Variants in RAMP1 observed in about 807,000 individuals in gnomAD.
RAMP1 encodes the protein receptor activity-modifying protein 1.
A neutral mutation model predicts 8.2 loss-of-function variants in RAMP1; 7 were observed. That is an observed-to-expected ratio of 0.85 (90% CI 0.49 to 1.60). The LOEUF (loss-of-function observed/expected upper bound fraction) is 1.60. RAMP1 is among the 40% of genes most tolerant of loss of function. The pLI is 0.00. For missense variants in RAMP1, 192 were observed against 202.4 expected (o/e 0.95, Z 0.31); for synonymous variants, 92 against 84.7 (o/e 1.09, Z -0.47).
At position 237,878,390 on chromosome 2, in the gene RAMP1, G is replaced by A. The variant is rs1242357029; in HGVS notation, c.191+1028G>A. ...CCTGTGGCTGTGGTGTCCCCTGAGG[G>A]TCCAGACACACCCGGGCACAATTCT... is the stretch of plus-strand genomic sequence containing the variant. On this transcript the variant is annotated intron_variant, in intron 2 of 2. Transcript: ENST00000254661. The surrounding 1 kb of genome is among the most constrained non-coding windows in gnomAD (Gnocchi z 5.7). 6.6e-6 allele frequency among the ~76,000 whole-genome samples: 1 copy of A among 152,336 alleles called. No homozygotes were observed. The highest frequency in any genetic ancestry group is 3.4e-3 in the Middle Eastern group (1 of 294).
rs1363470359 is a variant in RAMP1 at position 237,877,159 on chromosome 2, C to T, written c.53-65C>T. On this transcript the variant is annotated intron_variant, in intron 1 of 2. Coordinates refer to ENST00000254661, the MANE Select transcript of RAMP1 (RefSeq NM_005855.4). This position sits in a 1 kb window ranked among gnomAD's most constrained non-coding sequence, Gnocchi z 4.4. ...AGTCCGGGCTGCAGGGGCGCGCGGG[C>T]TGGCGGTGATACCCCTAGGCCTCTG... The T allele has an allele frequency of 6.2e-7, 1 of 1,606,760 alleles. No individual in the cohort carries two copies. Among genetic ancestry groups the T allele is most frequent in the Non-Finnish European group, 8.5e-7 (1 of 1,178,260 alleles).
At chr2:237,868,046 CT>C (rs796880429) in intron 1 of RAMP1, among the ~76,000 whole-genome samples, 472 of 137,012 alleles carry the variant, frequency 3.4e-3, no homozygotes, top group Middle Eastern at 3.9e-3. Context: ...GGTTTTCTGT[CT>C]TTTTTTTTTT....
chr2:237,879,538 G>A (rs988262626), intron 2 of RAMP1, among the ~76,000 whole-genome samples: 3 of 144,318 alleles, frequency 2.1e-5, no homozygotes, highest in Admixed American at 6.9e-5. Context: ...TGTGCACAAC[G>A]TGCAGGTTTG....
chr2:237,873,216 G>A (rs748447782), intron 1 of RAMP1, among the ~76,000 whole-genome samples: 1 of 152,238 alleles, frequency 6.6e-6, no homozygotes, highest in African/African-American at 2.4e-5. Flanking sequence ...GAGGAGGACA[G>A]TGATGGGGTC....
chr2:237,911,961 C>T lies in RAMP1; in HGVS notation c.*178C>T. ...GAGGCTCTGGTATTAACCTGGAAGC[C>T]CCCCTGGCTGGAGGCCACCGCCACC... On this transcript the variant is annotated 3_prime_UTR_variant, in exon 3 of 3. Transcript: ENST00000254661. 8.8e-7 allele frequency: 1 copy of T among 1,141,120 alleles called. No homozygotes were observed. The highest frequency in any genetic ancestry group is 1.2e-6 in the Non-Finnish European group (1 of 832,960). 70.7% of individuals were successfully genotyped at this position (1,141,120 alleles called of 1,614,324 possible). A position where few individuals can be genotyped will look rare whatever the true frequency, so the allele number is the denominator to read the frequency against.
At chr2:237,897,894 G>C (rs1576552749) in intron 2 of RAMP1, among the ~76,000 whole-genome samples, 1 of 152,048 alleles carries the variant, frequency 6.6e-6, no homozygotes, top group African/African-American at 2.4e-5. Context: ...CACCTCCCGA[G>C]TTCAAGCCAT....
chr2:237,884,218 G>A (rs868837189), intron 2 of RAMP1, among the ~76,000 whole-genome samples: 2 of 152,128 alleles, frequency 1.3e-5, no homozygotes. Flanking sequence ...TGAGCTCAGC[G>A]GGGCCAGGCT....
intron 2 of RAMP1, among the ~76,000 whole-genome samples, chr2:237,894,045 C>G (rs2062513520): frequency 7.1e-6 from 1 of 140,748 alleles, no homozygotes; most frequent in South Asian, 2.2e-4. Flanking sequence ...TCTCAGCTCA[C>G]TGCAACCTCC....
At chr2:237,871,978 C>T (rs1190971833) in intron 1 of RAMP1, among the ~76,000 whole-genome samples, 2 of 152,208 alleles carry the variant, frequency 1.3e-5, no homozygotes, top group South Asian at 2.1e-4. Flanking sequence ...ATAAATTATA[C>T]TTCAATAAAG....
chr2:237,891,155 T>A (rs1451387884), intron 2 of RAMP1, among the ~76,000 whole-genome samples: 2 of 132,200 alleles, frequency 1.5e-5, no homozygotes, highest in Non-Finnish European at 3.1e-5. Context: ...TTGTATTCTC[T>A]TTTTTTTTTT....
rs2062327601 is a variant in RAMP1 at position 237,878,028 on chromosome 2, A to G, written c.191+666A>G. On this transcript the variant is annotated intron_variant, in intron 2 of 2. Coordinates refer to ENST00000254661, the MANE Select transcript of RAMP1 (RefSeq NM_005855.4). The surrounding 1 kb of genome is among the most constrained non-coding windows in gnomAD (Gnocchi z 5.7). ...CTCTGCCTCCAGAGCGGCGATCAGA[A>G]CTCGGCATGTCCGCAATCGACTTTC... The G allele has an allele frequency of 1.0e-6, 1 of 985,214 alleles. No individual in the cohort carries two copies. The highest frequency in any genetic ancestry group is 4.7e-5 in the South Asian group (1 of 21,282). 61.0% of individuals were successfully genotyped at this position (985,214 alleles called of 1,614,324 possible). A position where few individuals can be genotyped will look rare whatever the true frequency, so the allele number is the denominator to read the frequency against.
In RAMP1 at chr2:237,878,578, G is replaced by A. The variant is rs1354045574; in HGVS notation, c.191+1216G>A. ...GGCCTCCCTCTACCCTCAGAGCCCCGCTGGCCACAGCCTGCCCTCTTCAGT... is the reference window on the plus strand; with the variant it reads ...GGCCTCCCTCTACCCTCAGAGCCCCACTGGCCACAGCCTGCCCTCTTCAGT... On this transcript the variant is annotated intron_variant, in intron 2 of 2. Transcript: ENST00000254661. This position sits in a 1 kb window ranked among gnomAD's most constrained non-coding sequence, Gnocchi z 5.7. Among the ~76,000 whole-genome samples, 1 of 152,178 alleles carries A rather than the reference G, an allele frequency of 6.6e-6. No homozygotes were observed. The highest frequency in any genetic ancestry group is 2.1e-4 in the South Asian group (1 of 4,822).
chr2:237,895,165 A>G (rs999062550), intron 2 of RAMP1, among the ~76,000 whole-genome samples: 1 of 152,112 alleles, frequency 6.6e-6, no homozygotes, highest in African/African-American at 2.4e-5. Flanking sequence ...TGGCGATTGT[A>G]GAGCGAGTCA....
At chr2:237,898,899 G>A (rs1165252616) in intron 2 of RAMP1, among the ~76,000 whole-genome samples, 1 of 152,230 alleles carries the variant, frequency 6.6e-6, no homozygotes, top group Non-Finnish European at 1.5e-5. Context: ...GCTTTGGAAA[G>A]GTCCCGCTAT....
rs998125534 is a variant in RAMP1 at position 237,859,790 on chromosome 2, G to A, written c.52+63G>A. On this transcript the variant is annotated intron_variant, in intron 1 of 2. Transcript: ENST00000254661. Reference sequence around the variant, plus strand: ...CCTGGCCAGCCGGTGTCCTCTAGGGGAGAGGAGGGGAGCGGGTGGGAGCGG... The same window carrying A: ...CCTGGCCAGCCGGTGTCCTCTAGGGAAGAGGAGGGGAGCGGGTGGGAGCGG... The A allele has an allele frequency of 3.3e-6, 4 of 1,202,418 alleles. No homozygotes were observed. In the East Asian group the frequency reaches 9.9e-5, roughly 30 times the overall value. 74.5% of individuals were successfully genotyped at this position (1,202,418 alleles called of 1,614,324 possible).
chr2:237,867,462 G>A (rs912321498), intron 1 of RAMP1, among the ~76,000 whole-genome samples: 1 of 130,484 alleles, frequency 7.7e-6, no homozygotes, highest in African/African-American at 2.8e-5. Context: ...TTTGGGGCCA[G>A]ATGCTTTTTT....
chr2:237,886,245 C>A (rs564166478), intron 2 of RAMP1, among the ~76,000 whole-genome samples: 1 of 152,328 alleles, frequency 6.6e-6, no homozygotes, highest in East Asian at 1.9e-4. Context: ...TTCCTGTAGT[C>A]TCCTTGGCGC....
At chr2:237,882,939 C>G (rs2062386640) in intron 2 of RAMP1, among the ~76,000 whole-genome samples, 1 of 152,110 alleles carries the variant, frequency 6.6e-6, no homozygotes, top group African/African-American at 2.4e-5. Context: ...ATGCTCCCAG[C>G]CCAAGCAGGG....
chr2:237,859,837 C>G (rs2150999704), intron 1 of RAMP1, 110 bp downstream of exon 1: 1 of 1,038,468 alleles, frequency 9.6e-7, no homozygotes, highest in South Asian at 2.7e-5. Context: ...TGGGGGCGGG[C>G]GCCGCGGGCG....
Sources: allele counts gnomAD v4.1 joint callset (sites outside exome capture counted in the v4.1 genomes callset), GRCh38; gene constraint gnomAD v4.1.1; non-coding constraint Gnocchi (gnomAD v3.1); transcripts MANE v1.5; gene names NCBI Gene and HGNC (gene_info 2026-07-23, HGNC 2026-07-21).